Variants in NEBL observed in about 807,000 individuals in gnomAD.
The protein encoded by NEBL is nebulette.
A neutral mutation model predicts 140.2 loss-of-function variants in NEBL; 122 were observed. That is an observed-to-expected ratio of 0.87 (90% CI 0.75 to 1.01). The LOEUF (loss-of-function observed/expected upper bound fraction) is 1.01. Ranked by LOEUF, NEBL falls within the 50% of genes least tolerant of loss-of-function variation. NEBL has a pLI of 0.00. For missense variants in NEBL, 1,365 were observed against 1,231.3 expected (o/e 1.11, Z -1.62); for synonymous variants, 436 against 398.9 (o/e 1.09, Z -1.11).
intron 4 of NEBL, among the ~76,000 whole-genome samples, chr10:20,920,372 G>A (rs553788222): frequency 6.6e-6 from 1 of 152,120 alleles, no homozygotes; most frequent in Admixed American, 6.5e-5. Flanking sequence ...ACTAGCAATA[G>A]CAAAAGACTG....
intron 2 of NEBL, among the ~76,000 whole-genome samples, chr10:21,066,909 T>A (rs564709918): frequency 1.3e-5 from 2 of 151,772 alleles, no homozygotes; most frequent in Non-Finnish European, 2.9e-5. Context: ...AGTTGCTCCA[T>A]CTCATAGAAT....
intron 3 of NEBL, among the ~76,000 whole-genome samples, chr10:20,984,575 C>A (rs916395606): frequency 1.3e-5 from 2 of 152,086 alleles, no homozygotes; most frequent in Non-Finnish European, 2.9e-5. Context: ...AGAATTGGAG[C>A]ATTCTACAAG....
chr10:20,808,400 A>G (rs917041829), intron 26 of NEBL, 110 bp downstream of exon 26: 6 of 1,142,964 alleles, frequency 5.2e-6, no homozygotes, highest in Non-Finnish European at 7.7e-6. Flanking sequence ...AAATTCTCAA[A>G]TACAGCCAGG....
chr10:20,937,567 C>G (rs1005905952), intron 4 of NEBL, among the ~76,000 whole-genome samples: 3 of 152,114 alleles, frequency 2.0e-5, no homozygotes, highest in Non-Finnish European at 2.9e-5. Flanking sequence ...GGGTTCATCT[C>G]ACTGGGGAGT....
chr10:20,870,788 G>A (rs564075200), intron 5 of NEBL, among the ~76,000 whole-genome samples: 1 of 152,266 alleles, frequency 6.6e-6, no homozygotes, highest in South Asian at 2.1e-4. Context: ...ATGCATGTTA[G>A]ACACAAACCA....
Position 20,835,972 on chromosome 10 carries a change from A to T in NEBL, c.1339-349T>A, listed in dbSNP as rs1288947735. The stretch of plus-strand genomic sequence containing the variant: ...GAACTTAGAAGCCAGAGCATTCACC[A>T]GCTGTATGACACTGAGAATTCTTAA... On this transcript the variant is annotated intron_variant, in intron 13 of 27. Coordinates refer to ENST00000377122, the MANE Select transcript of NEBL (RefSeq NM_006393.3). 1.1e-4 allele frequency among the ~76,000 whole-genome samples: 17 copies of T among 152,240 alleles called. 1 individual carries two copies. The highest frequency in any genetic ancestry group is 1.0e-3 in the Admixed American group (16 of 15,288).
Position 20,850,213 on chromosome 10 carries a change from C to G in NEBL, c.1116+182G>C, listed in dbSNP as rs377677765. Among the ~76,000 whole-genome samples the G allele has an allele frequency of 2.0e-5, 3 of 152,270 alleles. No homozygotes were observed. In the East Asian group the frequency reaches 5.8e-4, roughly 29 times the overall value. ...ATTCACCAATGAGAGAAGCTAAGGA[C>G]CAGATAAACTCAATGACCTAGACAA... On this transcript the variant is annotated intron_variant, in intron 11 of 27. Coordinates refer to ENST00000377122, the MANE Select transcript of NEBL (RefSeq NM_006393.3).
chr10:20,940,068 C>T lies in NEBL; in HGVS notation c.357+21604G>A, dbSNP rs1834767500. On this transcript the variant is annotated intron_variant, in intron 4 of 6. Transcript: ENST00000417816. ...AAGGATACCCAGGAATTGAACTCAG[C>T]TCTGCACCAAGCGGACTTAATAGAC... 2.0e-5 allele frequency among the ~76,000 whole-genome samples: 3 copies of T among 151,952 alleles called. No homozygotes were observed. The East Asian group carries it at 5.8e-4, about 29-fold the overall frequency.
intron 4 of NEBL, among the ~76,000 whole-genome samples, chr10:20,915,248 A>AT (rs1239966746): frequency 6.6e-6 from 1 of 151,898 alleles, no homozygotes; most frequent in Non-Finnish European, 1.5e-5. Context: ...AGGCTTTGAA[A>AT]TTTTTTTTAT....
At chr10:21,162,040 G>T (rs75626936) in intron 2 of NEBL, among the ~76,000 whole-genome samples, 4,810 of 152,204 alleles carry the variant, frequency 0.032, 136 homozygotes, top group African/African-American at 0.084. Context: ...AGAGGGGGCT[G>T]GAGATTGAAC....
upstream of NEBL, among the ~76,000 whole-genome samples, chr10:20,899,926 A>G (rs1048926604): frequency 1.3e-5 from 2 of 152,188 alleles, no homozygotes; most frequent in African/African-American, 4.8e-5. Flanking sequence ...CCTATAATAT[A>G]AAATTCATGC....
rs190559779 is a variant in NEBL at position 20,806,304 on chromosome 10, A to T, written c.2761+2206T>A. Among the ~76,000 whole-genome samples the T allele has an allele frequency of 3.9e-3, 590 of 152,302 alleles. 5 individuals are homozygous for T. Among genetic ancestry groups the T allele is most frequent in the African/African-American group, 0.014 (564 of 41,554 alleles). ...CTACACAGATTCATTTAGGACCTAA[A>T]TCATAGACTTGGATGGATGATTTCC... On this transcript the variant is annotated intron_variant, in intron 26 of 27. Coordinates refer to ENST00000377122, the MANE Select transcript of NEBL (RefSeq NM_006393.3).
intron 3 of NEBL, among the ~76,000 whole-genome samples, chr10:20,980,490 G>A (rs1412744943): frequency 6.6e-6 from 1 of 152,222 alleles, no homozygotes; most frequent in Non-Finnish European, 1.5e-5. Context: ...AACACCTGCA[G>A]TGCACATACA....
In NEBL at chr10:20,808,544, G is replaced by A; in HGVS notation, c.2727C>T (p.Cys909=). 1.2e-6 allele frequency: 2 copies of A among 1,613,936 alleles called. No homozygotes were observed. The highest frequency in any genetic ancestry group is 1.7e-6 in the Non-Finnish European group (2 of 1,179,894). Residue 909 remains cysteine, a synonymous_variant, in exon 26 of 28, where the codon TGC becomes TGT. Coordinates refer to ENST00000377122, the MANE Select transcript of NEBL (RefSeq NM_006393.3). ...EISEIYPSFS[C]CSEVTRPSDE... ...CAGACGGTCTTGTTACCTCACTGCA[G>A]CATGAAAAGCTAGGGTAAATCTCGG...
chr10:21,104,773 G>A (rs886945833), intron 2 of NEBL, among the ~76,000 whole-genome samples: 1 of 152,136 alleles, frequency 6.6e-6, no homozygotes, highest in African/African-American at 2.4e-5. Flanking sequence ...TTAAATAGAA[G>A]TAATGAGGCA....
At chr10:21,203,781 G>A (rs1338478157) in intron 3 of NEBL, among the ~76,000 whole-genome samples, 2 of 152,050 alleles carry the variant, frequency 1.3e-5, no homozygotes, top group African/African-American at 4.8e-5. Context: ...TGCATTTGAC[G>A]ACCTTCCCAC....
chr10:20,948,717 C>A (rs1835297455), intron 4 of NEBL, among the ~76,000 whole-genome samples: 1 of 152,208 alleles, frequency 6.6e-6, no homozygotes. Context: ...ACCAGCTAAT[C>A]TGTATTACAA....
At chr10:21,115,251 T>C (rs1838227582) in intron 2 of NEBL, among the ~76,000 whole-genome samples, 1 of 152,076 alleles carries the variant, frequency 6.6e-6, no homozygotes, top group South Asian at 2.1e-4. Context: ...TACCTTGTTA[T>C]AATATTTGCT....
chr10:21,071,725 T>G (rs2131905355), intron 2 of NEBL, among the ~76,000 whole-genome samples: 1 of 152,270 alleles, frequency 6.6e-6, no homozygotes, highest in South Asian at 2.1e-4. Flanking sequence ...TACCATAAAT[T>G]TGGTGGCTTA....
Sources: allele counts gnomAD v4.1 joint callset (sites outside exome capture counted in the v4.1 genomes callset), GRCh38; gene constraint gnomAD v4.1.1; transcripts MANE v1.5; gene names NCBI Gene and HGNC (gene_info 2026-07-23, HGNC 2026-07-21).